Variants in CSMD1 observed in about 807,000 individuals in gnomAD.
The protein encoded by CSMD1 is CUB and sushi domain-containing protein 1.
Under a neutral mutation model 417.5 loss-of-function variants are expected in CSMD1, and 213 were observed. The ratio of observed to expected loss-of-function variants is 0.51; its 90% CI spans 0.46 to 0.57. CSMD1 has a LOEUF of 0.57. Among genes scored for constraint, CSMD1 ranks in the 20% least tolerant of loss-of-function variants. The probability of loss-of-function intolerance (pLI) is 0.00; values close to 1 mark genes in which losing one functional copy is unlikely to be tolerated. For synonymous variants in CSMD1, 2,862 were observed against 1,736.8 expected, an observed-to-expected ratio of 1.65 and a Z score of -16.11; for missense variants, 6,923 against 4,529.7, an observed-to-expected ratio of 1.53 and a Z score of -15.17.
chr8:3,538,590 G>A (rs1010628245), intron 10 of CSMD1, among the ~76,000 whole-genome samples: 1 of 152,230 alleles, frequency 6.6e-6, no homozygotes. Context: ...GTGATTGTGT[G>A]CCCACAAAAG....
At chr8:3,023,270 T>C (rs1809592207) in intron 51 of CSMD1, among the ~76,000 whole-genome samples, 1 of 152,194 alleles carries the variant, frequency 6.6e-6, no homozygotes, top group Non-Finnish European at 1.5e-5. Flanking sequence ...ATATCTACAA[T>C]ATTACAAAAT....
intron 2 of CSMD1, among the ~76,000 whole-genome samples, chr8:4,613,860 C>CAAAAAAAAAAAAAA (rs60679775): frequency 8.1e-6 from 1 of 123,658 alleles, no homozygotes; most frequent in African/African-American, 2.8e-5. Flanking sequence ...TGTCTAATGC[C>CAAAAAAAAAAAAAA]AAAAAAAAAA....
At chr8:3,573,424 A>G (rs1800022962) in intron 10 of CSMD1, among the ~76,000 whole-genome samples, 1 of 152,252 alleles carries the variant, frequency 6.6e-6, no homozygotes, top group African/African-American at 2.4e-5. Context: ...CGGCTCTAGC[A>G]TACTGAGAAA....
chr8:3,685,268 G>C lies in CSMD1; in HGVS notation c.1009+23146C>G, dbSNP rs1309397058. Among the ~76,000 whole-genome samples the C allele has an allele frequency of 3.9e-5, 6 of 152,262 alleles. No homozygotes were observed. In the East Asian group the frequency reaches 1.2e-3, roughly 29 times the overall value. On this transcript the variant is annotated intron_variant, in intron 7 of 69. Coordinates refer to ENST00000635120, the MANE Select transcript of CSMD1 (RefSeq NM_033225.6). ...AAATAAAGTTGCCTCAGGGCTAATT[G>C]TACCCATTACGTTGAGTTTAATGAC...
intron 34 of CSMD1, among the ~76,000 whole-genome samples, chr8:3,189,280 T>C (rs943496383): frequency 1.3e-5 from 2 of 152,242 alleles, no homozygotes; most frequent in African/African-American, 4.8e-5. Flanking sequence ...TGTCCAATGA[T>C]GGCATCTCCA....
chr8:3,985,197 A>C (rs1041038095), intron 5 of CSMD1, among the ~76,000 whole-genome samples: 11 of 152,134 alleles, frequency 7.2e-5, no homozygotes, highest in Non-Finnish European at 1.5e-4. Flanking sequence ...GTTTGTGGTA[A>C]ACTAGAAGGT....
At chr8:4,463,328 G>C (rs746370530) in intron 2 of CSMD1, among the ~76,000 whole-genome samples, 3 of 152,134 alleles carry the variant, frequency 2.0e-5, no homozygotes, top group Non-Finnish European at 4.4e-5. Context: ...CTTCCCTATG[G>C]CTGGTGAGAA....
At chr8:3,132,096 C>G (rs1159141158) in intron 41 of CSMD1, among the ~76,000 whole-genome samples, 1 of 152,154 alleles carries the variant, frequency 6.6e-6, no homozygotes, top group Non-Finnish European at 1.5e-5. Context: ...AGGTTCTGCT[C>G]ACGTGGAACT....
At chr8:4,767,561 G>A (rs1812548398) in intron 1 of CSMD1, among the ~76,000 whole-genome samples, 2 of 151,972 alleles carry the variant, frequency 1.3e-5, no homozygotes, top group Non-Finnish European at 1.5e-5. Flanking sequence ...TGTGTTCTGG[G>A]GCCTCTCCTC....
chr8:3,469,341 A>T (rs2117189733), intron 11 of CSMD1: 1 of 152,444 alleles, frequency 6.6e-6, no homozygotes, highest in African/African-American at 2.4e-5. Flanking sequence ...TCCTTTTAAA[A>T]TATATTATAG....
intron 50 of CSMD1, among the ~76,000 whole-genome samples, chr8:3,045,978 A>G (rs1346678089): frequency 6.6e-6 from 1 of 152,200 alleles, no homozygotes; most frequent in Non-Finnish European, 1.5e-5. Flanking sequence ...GTGTAGCCCT[A>G]CTTATGCACA....
At chr8:3,560,985 G>C (rs1408304581) in intron 10 of CSMD1, among the ~76,000 whole-genome samples, 5 of 151,980 alleles carry the variant, frequency 3.3e-5, no homozygotes, top group Non-Finnish European at 7.4e-5. Context: ...AAATTACAGT[G>C]ACCACTCATT....
At chr8:4,013,248 T>C (rs370550283) in intron 4 of CSMD1, among the ~76,000 whole-genome samples, 3 of 152,126 alleles carry the variant, frequency 2.0e-5, no homozygotes, top group Admixed American at 6.6e-5. Context: ...CCTCTGACTG[T>C]CTCTCCTACA....
chr8:3,885,523 C>G (rs1458165945), intron 5 of CSMD1, among the ~76,000 whole-genome samples: 1 of 152,204 alleles, frequency 6.6e-6, no homozygotes, highest in African/African-American at 2.4e-5. Flanking sequence ...GGTCTGTTGT[C>G]TCAGAATACT....
chr8:3,860,404 T>G (rs1343514610), intron 5 of CSMD1, among the ~76,000 whole-genome samples: 2 of 152,200 alleles, frequency 1.3e-5, no homozygotes, highest in Admixed American at 1.3e-4. Flanking sequence ...CAAAATGGAC[T>G]CAATGTTTCT....
chr8:2,948,861 T>C (rs1585038286), intron 68 of CSMD1, among the ~76,000 whole-genome samples: 1 of 152,072 alleles, frequency 6.6e-6, no homozygotes, highest in African/African-American at 2.4e-5. Context: ...TAAAACTTTG[T>C]CATTCTGATA....
intron 1 of CSMD1, among the ~76,000 whole-genome samples, chr8:4,944,952 T>C (rs1218198718): frequency 6.6e-6 from 1 of 152,148 alleles, no homozygotes; most frequent in East Asian, 1.9e-4. Context: ...TATTTGCATG[T>C]CCACGTGTGT....
At chr8:3,500,133 C>T (rs758498872) in intron 10 of CSMD1, among the ~76,000 whole-genome samples, 15 of 152,224 alleles carry the variant, frequency 9.9e-5, no homozygotes, top group African/African-American at 2.4e-4. Context: ...GCGCACTTCA[C>T]GTTCATCTTT....
chr8:4,388,076 T>A (rs553127134), intron 3 of CSMD1, among the ~76,000 whole-genome samples: 1 of 152,266 alleles, frequency 6.6e-6, no homozygotes, highest in East Asian at 1.9e-4. Flanking sequence ...TGGACTAATG[T>A]CAGAAGTAAA....
Sources: gnomAD v4.1 joint callset for allele counts (sites outside exome capture counted in the v4.1 genomes callset) on GRCh38, gnomAD v4.1.1 for gene constraint, MANE v1.5 for transcripts, NCBI Gene and HGNC (gene_info 2026-07-23, HGNC 2026-07-21) for gene names.